The following ALG9 variants were observed in gnomAD, a reference collection of about 807,000 sequenced individuals.
ALG9 encodes alpha-1,2-mannosyltransferase ALG9.
ALG9 carries 55 observed loss-of-function variants against 81.8 expected under a neutral mutation model. The observed-to-expected ratio is 0.67, with a 90% confidence interval of 0.54 to 0.84. The LOEUF is 0.84. Among genes scored for constraint, ALG9 ranks in the 40% least tolerant of loss-of-function variants. The pLI is 0.00. For missense variants in ALG9, 629 were observed against 745.0 expected (o/e 0.84, Z 1.81); for synonymous variants, 278 against 274.3 (o/e 1.01, Z -0.13).
chr11:111,835,740 T>C (rs1204209506), intron 13 of ALG9, among the ~76,000 whole-genome samples: 1 of 152,224 alleles, frequency 6.6e-6, no homozygotes, highest in Non-Finnish European at 1.5e-5. Flanking sequence ...GTTATACCCC[T>C]CATCCTAAAA....
intron 10 of ALG9, among the ~76,000 whole-genome samples, chr11:111,839,490 C>T (rs1955866922): frequency 6.8e-6 from 1 of 146,210 alleles, no homozygotes; most frequent in African/African-American, 2.5e-5. Flanking sequence ...GGGACTGAGG[C>T]AGGAGAATGG....
chr11:111,799,703 G>A (rs563365441), intron 14 of ALG9, among the ~76,000 whole-genome samples: 1 of 152,218 alleles, frequency 6.6e-6, no homozygotes, highest in East Asian at 1.9e-4. Flanking sequence ...TCACATTAAA[G>A]CAAGATGACC....
chr11:111,864,365 T>C (rs1331798415), intron 4 of ALG9: 8 of 766,966 alleles, frequency 1.0e-5, no homozygotes, highest in Non-Finnish European at 1.7e-5. Flanking sequence ...CTTCAAACAA[T>C]TCTGTCTGCA....
intron 14 of ALG9, among the ~76,000 whole-genome samples, chr11:111,802,559 G>A (rs1949292349): frequency 6.6e-6 from 1 of 152,134 alleles, no homozygotes; most frequent in Admixed American, 6.6e-5. Flanking sequence ...TGATAAAAAT[G>A]TTTTAAAATT....
intron 14 of ALG9, among the ~76,000 whole-genome samples, chr11:111,800,049 TC>T (rs1555079124): frequency 6.6e-6 from 1 of 152,230 alleles, no homozygotes; most frequent in East Asian, 1.9e-4. Flanking sequence ...TCTTTAAAGT[TC>T]TAGCACATGA....
chr11:111,838,320 T>A lies in ALG9; in HGVS notation c.1253A>T (p.Asn418Ile). The change falls in exon 11 of 15, where the codon AAT (asparagine) becomes ATT (isoleucine). Residue 418 changes from asparagine (N) to isoleucine (I), a missense_variant. Around this residue, in one of 3 missense-constraint regions of ALG9, gnomAD observed 264 missense variants for 302.2 expected, o/e 0.87. Coordinates refer to ENST00000616540, the MANE Select transcript of ALG9 (RefSeq NM_024740.2). The stretch of plus-strand genomic sequence containing the variant: ...GAAGACAGTTCCTAATGCCAGCCAA[T>A]TCGATGTCACAGTATAGTGCTCCAG... The part of the protein sequence containing the change: ...YRLEHYTVTS[N>I]WLALGTVFLF... 1 of 1,614,074 alleles carries A rather than the reference T, an allele frequency of 6.2e-7. No homozygotes were observed. Among genetic ancestry groups the A allele is most frequent in the Admixed American group, 1.7e-5 (1 of 60,022 alleles).
chr11:111,856,833 G>A lies in ALG9; in HGVS notation c.701+769C>T, dbSNP rs544469834. Reference sequence around the variant, plus strand: ...AGAAAGAAGGAAGACTGGGCCAGGCGCAGTGGCTCATGCCTGTAATCCCAG... The same window carrying A: ...AGAAAGAAGGAAGACTGGGCCAGGCACAGTGGCTCATGCCTGTAATCCCAG... On this transcript the variant is annotated intron_variant, in intron 6 of 14. Transcript: ENST00000616540. Among the ~76,000 whole-genome samples the A allele has an allele frequency of 3.3e-5, 5 of 152,246 alleles. No homozygotes were observed. The South Asian group carries it at 6.2e-4, about 19-fold the overall frequency.
intron 14 of ALG9, among the ~76,000 whole-genome samples, chr11:111,792,153 C>G (rs1947532593): frequency 6.6e-6 from 1 of 152,256 alleles, no homozygotes; most frequent in Admixed American, 6.5e-5. Flanking sequence ...CCACCTCTCA[C>G]TTCTTTTCTC....
chr11:111,793,543 C>T (rs1031503274), intron 14 of ALG9, among the ~76,000 whole-genome samples: 11 of 152,108 alleles, frequency 7.2e-5, no homozygotes, highest in Non-Finnish European at 5.9e-5. Context: ...GGGCGGATCA[C>T]AAGGTCAGGA....
At chr11:111,811,644 C>T (rs182847914) in intron 13 of ALG9, among the ~76,000 whole-genome samples, 391 of 151,202 alleles carry the variant, frequency 2.6e-3, no homozygotes, top group African/African-American at 8.9e-3. Context: ...TATATCCATA[C>T]AATAGAACAG....
At chr11:111,851,675 G>C (rs1957855565) in intron 8 of ALG9, among the ~76,000 whole-genome samples, 2 of 152,134 alleles carry the variant, frequency 1.3e-5, no homozygotes, top group Non-Finnish European at 2.9e-5. Context: ...AGTAGATATT[G>C]TGTTTCTAAC....
chr11:111,814,757 C>T (rs1158240409), intron 13 of ALG9: 1 of 152,166 alleles, frequency 6.6e-6, no homozygotes, highest in Non-Finnish European at 1.5e-5. Context: ...TGACGTCAGA[C>T]CCAATTCCAT....
At chr11:111,818,310 T>C (rs944107035) in intron 13 of ALG9, among the ~76,000 whole-genome samples, 6 of 152,354 alleles carry the variant, frequency 3.9e-5, no homozygotes, top group Middle Eastern at 3.4e-3. Context: ...GTGAACATCA[T>C]AGAGTGTATT....
At chr11:111,839,337 G>C (rs983089897) in intron 10 of ALG9, among the ~76,000 whole-genome samples, 14 of 152,138 alleles carry the variant, frequency 9.2e-5, no homozygotes, top group African/African-American at 3.4e-4. Flanking sequence ...TGTAATCCCA[G>C]CACTTTGGGA....
intron 14 of ALG9, among the ~76,000 whole-genome samples, chr11:111,802,297 ATGAT>A (rs1949248529): frequency 6.6e-6 from 1 of 152,244 alleles, no homozygotes. Context: ...AAAAGTATAA[ATGAT>A]TGAAATGTCC....
At chr11:111,837,683 C>T in intron 11 of ALG9, 68 bp from the exon 12 acceptor site, 2 of 1,547,628 alleles carry the variant, frequency 1.3e-6, no homozygotes, top group South Asian at 2.3e-5. Flanking sequence ...AATTATACTG[C>T]TCATTAATGT....
intron 4 of ALG9, among the ~76,000 whole-genome samples, chr11:111,862,584 T>G (rs116938208): frequency 2.6e-5 from 4 of 151,804 alleles, no homozygotes; most frequent in Admixed American, 1.3e-4. Context: ...TTTTTTGGTC[T>G]GTCTGTACTG....
chr11:111,812,112 C>A, intron 13 of ALG9, among the ~76,000 whole-genome samples: 1 of 152,044 alleles, frequency 6.6e-6, no homozygotes, highest in African/African-American at 2.4e-5. Flanking sequence ...TATTCCTAGA[C>A]AAAAACCTTA....
intron 14 of ALG9, among the ~76,000 whole-genome samples, chr11:111,804,092 C>T (rs1252653748): frequency 1.4e-5 from 2 of 147,612 alleles, no homozygotes; most frequent in Admixed American, 6.8e-5. Flanking sequence ...AAGAGTGTGC[C>T]ACTGCACTCC....
Sources: allele counts gnomAD v4.1 joint callset (sites outside exome capture counted in the v4.1 genomes callset), GRCh38; gene constraint gnomAD v4.1.1; regional missense constraint gnomAD v4.1.1; transcripts MANE v1.5; gene names NCBI Gene and HGNC (gene_info 2026-07-23, HGNC 2026-07-21).